Variants in STK39 observed in about 807,000 individuals in gnomAD.
The protein encoded by STK39 is serine/threonine kinase 39, also known as STE20/SPS1-related proline-alanine-rich protein kinase.
In STK39, 20 loss-of-function variants were observed where a neutral mutation model predicts 77.8. The ratio of observed to expected loss-of-function variants is 0.26; its 90% CI spans 0.18 to 0.37. STK39 has a LOEUF of 0.37. Among genes scored for constraint, STK39 ranks in the 10% least tolerant of loss-of-function variants. The pLI is 1.00. For missense variants in STK39, 479 were observed against 656.5 expected (o/e 0.73, Z 2.95); for synonymous variants, 246 against 234.1 (o/e 1.05, Z -0.47).
intron 10 of STK39, among the ~76,000 whole-genome samples, chr2:168,093,151 G>C (rs1304709093): frequency 3.9e-5 from 6 of 152,200 alleles, no homozygotes; most frequent in African/African-American, 1.2e-4. Flanking sequence ...AGAAAGCAGG[G>C]AGTCAGTCTG....
intron 10 of STK39, 131 bp downstream of exon 10, chr2:168,129,410 G>C: frequency 1.0e-6 from 1 of 969,644 alleles, no homozygotes. Context: ...AGTTATCTGA[G>C]TAATCACTAA....
chr2:167,980,336 C>A (rs1683383066), intron 16 of STK39, among the ~76,000 whole-genome samples: 1 of 152,132 alleles, frequency 6.6e-6, no homozygotes, highest in African/African-American at 2.4e-5. Flanking sequence ...ACATAACTTC[C>A]CAGGATCAAC....
intron 14 of STK39, among the ~76,000 whole-genome samples, chr2:168,026,936 C>T (rs377209928): frequency 1.7e-4 from 26 of 152,154 alleles, no homozygotes; most frequent in African/African-American, 5.1e-4. Flanking sequence ...TGGGACACAC[C>T]GTGAGATCTG....
At chr2:168,036,765 A>G (rs1486522002) in intron 14 of STK39, among the ~76,000 whole-genome samples, 3 of 152,222 alleles carry the variant, frequency 2.0e-5, no homozygotes, top group Non-Finnish European at 4.4e-5. Flanking sequence ...GCTTAATGAT[A>G]GAGCAAGGGT....
rs1371712934 is a variant in STK39, at chr2:168,075,026, T to C, written c.1213-15A>G. The C allele has an allele frequency of 1.9e-6, 3 of 1,614,022 alleles. No individual in the cohort carries two copies. Among genetic ancestry groups the C allele is most frequent in the Non-Finnish European group, 1.7e-6 (2 of 1,179,976 alleles). On this transcript the variant is annotated splice_polypyrimidine_tract_variant and intron_variant, in intron 11 of 17. Transcript: ENST00000355999. ...ACTCTTCGTGACTGTAAAACAATTA[T>C]GTATCCATTAATATATATACACACA...
Position 168,028,010 on chromosome 2 carries a change from C to T in STK39, c.1377-10915G>A, listed in dbSNP as rs78693263. Among the ~76,000 whole-genome samples the T allele has an allele frequency of 9.9e-4, 150 of 152,246 alleles. 1 individual carries two copies. The East Asian group carries it at 0.024, about 24-fold the overall frequency. The stretch of plus-strand genomic sequence containing the variant: ...AAAAGAGTTTTCATCTAGAAGTAAT[C>T]CAAACTAAGTTAAGGTGATTTTCTC... On this transcript the variant is annotated intron_variant, in intron 14 of 17. Coordinates refer to ENST00000355999, the MANE Select transcript of STK39 (RefSeq NM_013233.3).
chr2:168,046,044 C>T (rs1473887759), intron 14 of STK39, among the ~76,000 whole-genome samples: 1 of 152,138 alleles, frequency 6.6e-6, no homozygotes, highest in Non-Finnish European at 1.5e-5. Context: ...TCGATCAACC[C>T]TACCCCTACT....
intron 1 of STK39, among the ~76,000 whole-genome samples, chr2:168,229,184 A>G (rs867608445): frequency 2.2e-4 from 33 of 152,260 alleles, no homozygotes; most frequent in Middle Eastern, 3.4e-3. Flanking sequence ...CCTGGCCAAG[A>G]TATCAGCCTG....
chr2:168,012,625 AC>A lies in STK39; in HGVS notation c.1498+8del, dbSNP rs745836393. 6.2e-7 allele frequency: 1 copy of A among 1,612,628 alleles called. No individual in the cohort carries two copies. Among genetic ancestry groups the A allele is most frequent in the Non-Finnish European group, 8.5e-7 (1 of 1,179,366 alleles). On this transcript the variant is annotated splice_region_variant and intron_variant, in intron 16 of 17. Coordinates refer to ENST00000355999, the MANE Select transcript of STK39 (RefSeq NM_013233.3). ...ACAAAATGACAGTGCATACTAAAAA[AC>A]AATTTACCTATAACTACATCGTGAC...
chr2:167,968,004 C>T (rs1239323265), intron 16 of STK39, among the ~76,000 whole-genome samples: 2 of 150,156 alleles, frequency 1.3e-5, no homozygotes, highest in African/African-American at 4.9e-5. Context: ...TCCATGTGTA[C>T]TCAATGTTTA....
chr2:168,029,708 C>A (rs997928048), intron 14 of STK39, among the ~76,000 whole-genome samples: 1 of 152,128 alleles, frequency 6.6e-6, no homozygotes, highest in African/African-American at 2.4e-5. Context: ...CTGCTTTCTC[C>A]GACGGGTATT....
At chr2:168,226,042 G>A (rs1039858852) in intron 1 of STK39, among the ~76,000 whole-genome samples, 9 of 152,198 alleles carry the variant, frequency 5.9e-5, no homozygotes, top group Non-Finnish European at 1.3e-4. Context: ...AAGGAGCTAT[G>A]AGTGAGCCAA....
Position 168,160,414 on chromosome 2 carries a change from G to A in STK39, c.628+1373C>T, listed in dbSNP as rs1432428821. Among the ~76,000 whole-genome samples the A allele has an allele frequency of 2.6e-5, 4 of 152,188 alleles. No individual in the cohort carries two copies. The South Asian group carries it at 6.2e-4, about 24-fold the overall frequency. On this transcript the variant is annotated intron_variant, in intron 5 of 17. Transcript: ENST00000355999. The stretch of plus-strand genomic sequence containing the variant: ...GTCACATGATCTCCAGTCAGTGCAA[G>A]GGAGTATCACTGTGATCCTGTTAGT...
intron 1 of STK39, among the ~76,000 whole-genome samples, chr2:168,209,414 C>T (rs2105692828): frequency 6.6e-6 from 1 of 152,256 alleles, no homozygotes; most frequent in Non-Finnish European, 1.5e-5. Flanking sequence ...CGGTGGCTCA[C>T]GCCTGTAATC....
At chr2:168,195,321 G>C (rs1689440762) in intron 1 of STK39, among the ~76,000 whole-genome samples, 1 of 152,136 alleles carries the variant, frequency 6.6e-6, no homozygotes, top group Non-Finnish European at 1.5e-5. Flanking sequence ...GATCGCTTGA[G>C]CAGAGGAAGT....
At chr2:167,987,046 C>T (rs1260974974) in intron 16 of STK39, among the ~76,000 whole-genome samples, 2 of 152,144 alleles carry the variant, frequency 1.3e-5, no homozygotes, top group Non-Finnish European at 2.9e-5. Flanking sequence ...CTGCTTATTC[C>T]AATGTTATTT....
At chr2:168,043,393 C>G (rs928840432) in intron 14 of STK39, among the ~76,000 whole-genome samples, 1 of 151,938 alleles carries the variant, frequency 6.6e-6, no homozygotes, top group Admixed American at 6.6e-5. Flanking sequence ...AAAATAAATA[C>G]AAACCCCAGT....
intron 13 of STK39, 35 bp from the exon 14 acceptor site, chr2:168,063,605 T>C (rs763389322): frequency 2.6e-6 from 4 of 1,560,578 alleles, no homozygotes; most frequent in Non-Finnish European, 2.6e-6. Flanking sequence ...TGTTATAAAC[T>C]GTATCAGGAA....
intron 16 of STK39, among the ~76,000 whole-genome samples, chr2:168,008,878 G>C (rs1684198923): frequency 6.6e-6 from 1 of 152,178 alleles, no homozygotes; most frequent in Admixed American, 6.5e-5. Context: ...GGTCAAGCAT[G>C]ATAAGGACTG....
Sources: allele counts gnomAD v4.1 joint callset (sites outside exome capture counted in the v4.1 genomes callset), GRCh38; gene constraint gnomAD v4.1.1; transcripts MANE v1.5; gene names NCBI Gene and HGNC (gene_info 2026-07-23, HGNC 2026-07-21).